Variants in F8 observed in about 807,000 individuals in gnomAD.
F8 encodes coagulation factor VIII.
A neutral mutation model predicts 140.6 loss-of-function variants in F8; 12 were observed. The observed-to-expected ratio is 0.09, with a 90% CI of 0.05 to 0.14. F8 has a LOEUF of 0.14. F8 is among the 10% of genes least tolerant of loss of function. The probability of loss-of-function intolerance (pLI) is 1.00; values close to 1 mark genes in which losing one functional copy is unlikely to be tolerated. For synonymous variants in F8, 585 were observed against 614.6 expected, an observed-to-expected ratio of 0.95 and a Z score of 0.71; for missense variants, 1,354 against 1,720.7, an observed-to-expected ratio of 0.79 and a Z score of 3.77.
chrX:154,945,255 G>T (rs6643622), intron 13 of F8, among the ~76,000 whole-genome samples: 59,003 of 109,504 alleles, frequency 0.54, 13,306 homozygotes, highest in East Asian at 0.78. Flanking sequence ...ATTCCACAAG[G>T]CCAGTATTAC....
At chrX:154,912,209 T>A (rs1301597882) in intron 14 of F8, among the ~76,000 whole-genome samples, 2 of 112,144 alleles carry the variant, frequency 1.8e-5, no homozygotes, top group African/African-American at 6.5e-5. Flanking sequence ...CTTGATATAA[T>A]CCCGTTTGTC....
chrX:154,969,345 G>A lies in F8; in HGVS notation c.995C>T (p.Ser332Phe). ...CAAGATATTACCATGTTGGTGGGAA[G>A]AGATATGACAAAACAGTAGAAACTG... ...LGQFLLFCHI[S>F]SHQHDGMEAY... The change falls in exon 7 of 26, where the codon TCT becomes TTT. Residue 332 changes from serine to phenylalanine, a missense_variant. Around this residue, in one of 4 missense-constraint regions of F8, gnomAD observed 252 missense variants for 338.5 expected, o/e 0.74. Coordinates refer to ENST00000360256, the MANE Select transcript of F8 (RefSeq NM_000132.4). 8.3e-7 allele frequency: 1 copy of A among 1,208,123 alleles called. No homozygotes were observed. Among genetic ancestry groups the A allele is most frequent in the Non-Finnish European group, 1.1e-6 (1 of 892,070 alleles).
At chrX:155,005,110 G>A (rs1206214133) in intron 1 of F8, among the ~76,000 whole-genome samples, 4 of 111,433 alleles carry the variant, frequency 3.6e-5, no homozygotes, top group Admixed American at 9.5e-5. Context: ...GAATATGTCC[G>A]CCAGTGGACA....
rs60829817 is a variant in F8, at chrX:154,993,239, T to A, written c.389-91A>T. 7.5e-4 allele frequency: 564 copies of A among 749,877 alleles called. 4 individuals carry two copies. In the African/African-American group the frequency reaches 0.011, roughly 14 times the overall value. The allele number at this position is 749,877 out of a possible 1,213,427, so 61.8% of individuals were successfully genotyped here. ...TTTATTGTCACCAATAGGTTCTACA[T>A]AAGAAACGGACTTTCTGCATCTTTG... On this transcript the variant is annotated intron_variant, in intron 3 of 25. Transcript: ENST00000360256.
intron 5 of F8, among the ~76,000 whole-genome samples, chrX:154,985,441 A>C (rs2124132329): frequency 9.0e-6 from 1 of 111,727 alleles, no homozygotes; most frequent in Admixed American, 9.5e-5. Context: ...ATCTCAAAAA[A>C]AAAAGAAAAG....
intron 7 of F8, 38 bp downstream of exon 7, chrX:154,969,292 GA>G (rs2073441867): frequency 8.9e-7 from 1 of 1,124,840 alleles, no homozygotes; most frequent in Admixed American, 2.2e-5. Flanking sequence ...AGTAGGACTG[GA>G]TATTTATAAT....
At chrX:154,998,923 C>T (rs1193065186) in intron 2 of F8, among the ~76,000 whole-genome samples, 1 of 111,677 alleles carries the variant, frequency 9.0e-6, no homozygotes, top group Non-Finnish European at 1.9e-5. Context: ...CTAAGTGGTT[C>T]TCCTGAAGCC....
At chrX:154,925,905 G>A (rs973048371) in intron 14 of F8, among the ~76,000 whole-genome samples, 1 of 111,879 alleles carries the variant, frequency 8.9e-6, no homozygotes, top group Non-Finnish European at 1.9e-5. Context: ...GTGAGGACAC[G>A]AGATTTGGGA....
intron 6 of F8, among the ~76,000 whole-genome samples, chrX:154,981,128 G>A (rs1389972863): frequency 9.0e-6 from 1 of 111,210 alleles, no homozygotes; most frequent in African/African-American, 3.3e-5. Flanking sequence ...AAAAACCGTG[G>A]GTCCATGGTG....
intron 15 of F8, among the ~76,000 whole-genome samples, chrX:154,906,049 A>G (rs1209735588): frequency 1.8e-5 from 2 of 111,998 alleles, no homozygotes; most frequent in African/African-American, 6.5e-5. Flanking sequence ...TTACAGCGTT[A>G]TTTATATAGT....
intron 2 of F8, among the ~76,000 whole-genome samples, chrX:154,998,551 C>T (rs1438698981): frequency 1.8e-5 from 2 of 112,767 alleles, no homozygotes; most frequent in Admixed American, 1.9e-4. Context: ...TCCCTGCCAA[C>T]AAGGAGACAC....
chrX:154,916,493 T>C (rs1439444361), intron 14 of F8, among the ~76,000 whole-genome samples: 2 of 112,057 alleles, frequency 1.8e-5, no homozygotes, highest in Admixed American at 9.5e-5. Context: ...ATTGGTCTGC[T>C]CAAGTTTTCT....
chrX:154,847,908 T>G (rs1420877209), intron 25 of F8, among the ~76,000 whole-genome samples: 6 of 113,037 alleles, frequency 5.3e-5, no homozygotes, highest in African/African-American at 1.9e-4. Context: ...TTTCCCCATC[T>G]TTGTGGTTTT....
intron 10 of F8, among the ~76,000 whole-genome samples, chrX:154,959,549 C>T (rs1557281468): frequency 1.8e-5 from 2 of 112,135 alleles, no homozygotes; most frequent in Admixed American, 9.4e-5. Flanking sequence ...TCCAAATCCT[C>T]TCATCTAGCT....
chrX:154,910,528 C>T (rs896305214), intron 14 of F8, among the ~76,000 whole-genome samples: 1 of 111,552 alleles, frequency 9.0e-6, no homozygotes, highest in Non-Finnish European at 1.9e-5. Flanking sequence ...CAAACCTGCA[C>T]GTTGTGCACA....
chrX:154,931,337 G>A lies in F8; in HGVS notation c.2453C>T (p.Thr818Ile), dbSNP rs142274278. The change falls in exon 14 of 26, where the codon ACT becomes ATT. Residue 818 changes from threonine (T) to isoleucine (I), a missense_variant. Physicochemically the swap from Thr to Ile is moderately conservative, Grantham distance 89 (BLOSUM62 -1). Transcript: ENST00000360256. ...DLLMLLRQSP[T>I]PHGLSLSDLQ... The stretch of plus-strand genomic sequence containing the variant: ...ATCAGATAAGGATAGCCCATGTGGA[G>A]TAGGACTCTGTCGCAAGAGCATCAA... The A allele has an allele frequency of 1.5e-4, 179 of 1,208,149 alleles. No homozygotes were observed. The African/African-American group carries it at 2.7e-3, about 19-fold the overall frequency.
intron 13 of F8, among the ~76,000 whole-genome samples, chrX:154,940,683 T>C (rs112766350): frequency 2.7e-5 from 3 of 111,365 alleles, no homozygotes; most frequent in Non-Finnish European, 3.8e-5. Context: ...AGATACTCCT[T>C]GAGAAGAGCA....
chrX:154,845,550 T>A (rs1180549223), intron 25 of F8, among the ~76,000 whole-genome samples: 11 of 112,349 alleles, frequency 9.8e-5, no homozygotes, highest in Admixed American at 8.5e-4. Flanking sequence ...AATTTATCCA[T>A]TTCTTCTAGA....
intron 14 of F8, among the ~76,000 whole-genome samples, chrX:154,914,727 G>A (rs2073086132): frequency 8.9e-6 from 1 of 111,743 alleles, no homozygotes; most frequent in Admixed American, 9.4e-5. Context: ...GATTCTCTAG[G>A]AAGTTCCAAA....
Sources: allele counts gnomAD v4.1 joint callset (sites outside exome capture counted in the v4.1 genomes callset), GRCh38; gene constraint gnomAD v4.1.1; regional missense constraint gnomAD v4.1.1; transcripts MANE v1.5; gene names NCBI Gene and HGNC (gene_info 2026-07-23, HGNC 2026-07-21).